Variants in GALNT13 observed in about 807,000 individuals in gnomAD.
The protein encoded by GALNT13 is UDP-GalNAc:polypeptide N-acetylgalactosaminyltransferase 13.
GALNT13 carries 28 observed loss-of-function variants against 64.2 expected under a neutral mutation model. The observed-to-expected ratio is 0.44, with a 90% CI of 0.32 to 0.60. The LOEUF (loss-of-function observed/expected upper bound fraction) is 0.60, where lower values mean the gene tolerates loss of function less well. Ranked by LOEUF, GALNT13 falls within the 20% of genes least tolerant of loss-of-function variation. GALNT13 has a pLI of 0.05. For synonymous variants in GALNT13, 214 were observed against 224.6 expected (o/e 0.95, Z 0.42); for missense variants, 577 against 669.8 (o/e 0.86, Z 1.53).
intron 3 of GALNT13, among the ~76,000 whole-genome samples, chr2:154,055,604 C>T (rs954724524): frequency 2.0e-5 from 3 of 151,936 alleles, no homozygotes; most frequent in Non-Finnish European, 2.9e-5. Context: ...GGGGAGAAAG[C>T]CCTGTGGATA....
At chr2:154,391,962 T>G (rs1698814959) in intron 9 of GALNT13, among the ~76,000 whole-genome samples, 1 of 152,038 alleles carries the variant, frequency 6.6e-6, no homozygotes, top group Admixed American at 6.6e-5. Flanking sequence ...AGAAGTAAAT[T>G]TTCAGCAAAG....
At chr2:153,706,211 G>T in the GALNT13 span, among the ~76,000 whole-genome samples, 1 of 151,976 alleles carries the variant, frequency 6.6e-6, no homozygotes, top group African/African-American at 2.4e-5. Flanking sequence ...TGGCCAAGAT[G>T]GTCTGGATCT....
chr2:153,777,049 T>C, the GALNT13 span, among the ~76,000 whole-genome samples: 1 of 152,058 alleles, frequency 6.6e-6, no homozygotes, highest in Non-Finnish European at 1.5e-5. Context: ...TGTTTGTTTG[T>C]TTTGTTTTGT....
the GALNT13 span, among the ~76,000 whole-genome samples, chr2:153,575,627 G>A: frequency 2.0e-5 from 3 of 152,084 alleles, no homozygotes; most frequent in Admixed American, 6.5e-5. Flanking sequence ...CTAAAGGCAG[G>A]GGAGGCTTAT....
chr2:153,864,344 A>C, the GALNT13 span, among the ~76,000 whole-genome samples: 6 of 152,224 alleles, frequency 3.9e-5, no homozygotes, highest in Non-Finnish European at 5.9e-5. Context: ...AGGAAAGATC[A>C]AAAACAGAAA....
intron 9 of GALNT13, among the ~76,000 whole-genome samples, chr2:154,317,412 A>G (rs562799188): frequency 2.6e-5 from 4 of 152,304 alleles, no homozygotes; most frequent in South Asian, 2.1e-4. Flanking sequence ...ATCTAGAAAT[A>G]TTCAAAGGCT....
intron 3 of GALNT13, among the ~76,000 whole-genome samples, chr2:154,118,319 T>A (rs995064459): frequency 5.7e-4 from 25 of 44,016 alleles, no homozygotes; most frequent in African/African-American, 4.2e-3. Context: ...TTAAAGTCTA[T>A]TTTTTTTTTA....
At chr2:153,290,709 T>C in the GALNT13 span, among the ~76,000 whole-genome samples, 1 of 152,200 alleles carries the variant, frequency 6.6e-6, no homozygotes, top group African/African-American at 2.4e-5. Flanking sequence ...TCCTACATAT[T>C]ATCCCCCTAT....
chr2:154,371,187 G>A lies in GALNT13; in HGVS notation c.1157-24804G>A, dbSNP rs573826512. 2.7e-5 allele frequency among the ~76,000 whole-genome samples: 4 copies of A among 145,968 alleles called. No individual in the cohort carries two copies. The South Asian group carries it at 6.6e-4, about 24-fold the overall frequency. On this transcript the variant is annotated intron_variant, in intron 9 of 12. Transcript: ENST00000392825. ...GTGTAGATTGAAGGCAGAATAGGAA[G>A]TGTGGAAATGGAAAATGACAACATA... is the stretch of plus-strand genomic sequence containing the variant.
At chr2:154,189,955 G>A (rs969303308) in intron 4 of GALNT13, among the ~76,000 whole-genome samples, 1 of 152,142 alleles carries the variant, frequency 6.6e-6, no homozygotes, top group Non-Finnish European at 1.5e-5. Flanking sequence ...AATACAGGTG[G>A]TTGTTAAAAC....
At chr2:154,206,154 C>T (rs544082406) in intron 4 of GALNT13, among the ~76,000 whole-genome samples, 10 of 151,724 alleles carry the variant, frequency 6.6e-5, no homozygotes, top group Admixed American at 5.9e-4. Flanking sequence ...CCCGCCACCA[C>T]GCCCGGCTAA....
the GALNT13 span, among the ~76,000 whole-genome samples, chr2:153,089,892 C>T: frequency 7.2e-4 from 109 of 152,066 alleles, no homozygotes; most frequent in Admixed American, 2.2e-3. Flanking sequence ...CTGCTGTCTC[C>T]TTGAGTATCT....
At chr2:153,503,271 A>G in the GALNT13 span, among the ~76,000 whole-genome samples, 1 of 152,122 alleles carries the variant, frequency 6.6e-6, no homozygotes, top group Non-Finnish European at 1.5e-5. Flanking sequence ...TAAGACGATG[A>G]GGATCCAGTT....
At chr2:154,024,140 T>A (rs1178692239) in intron 3 of GALNT13, among the ~76,000 whole-genome samples, 1 of 152,154 alleles carries the variant, frequency 6.6e-6, no homozygotes, top group African/African-American at 2.4e-5. Context: ...TTTTCCTTCA[T>A]TTCAACTTTG....
the GALNT13 span, among the ~76,000 whole-genome samples, chr2:153,788,832 C>G: frequency 1.3e-5 from 2 of 151,934 alleles, no homozygotes; most frequent in East Asian, 3.9e-4. Context: ...TTTAAACTAA[C>G]AAAGATCAAA....
intron 3 of GALNT13, among the ~76,000 whole-genome samples, chr2:153,977,215 A>T (rs757673700): frequency 6.6e-5 from 10 of 152,306 alleles, no homozygotes; most frequent in Non-Finnish European, 1.3e-4. Flanking sequence ...AGCATAAATG[A>T]TTCTTTTATG....
the GALNT13 span, among the ~76,000 whole-genome samples, chr2:153,229,595 G>A: frequency 1.5e-3 from 235 of 152,176 alleles, no homozygotes; most frequent in African/African-American, 5.5e-3. Context: ...CCTATTTTTG[G>A]TTGTTCTTTT....
intron 4 of GALNT13, among the ~76,000 whole-genome samples, chr2:154,168,352 A>G (rs1685151043): frequency 6.6e-6 from 1 of 152,138 alleles, no homozygotes; most frequent in Non-Finnish European, 1.5e-5. Context: ...TTTATCTATT[A>G]AAGCCCTCAA....
the GALNT13 span, among the ~76,000 whole-genome samples, chr2:153,777,362 C>T: frequency 7.9e-5 from 12 of 152,250 alleles, no homozygotes; most frequent in African/African-American, 2.9e-4. Context: ...GACTTAGATT[C>T]AGTGCATTTC....
Sources: allele counts gnomAD v4.1 joint callset (sites outside exome capture counted in the v4.1 genomes callset), GRCh38; gene constraint gnomAD v4.1.1; transcripts MANE v1.5; gene names NCBI Gene and HGNC (gene_info 2026-07-23, HGNC 2026-07-21).